The following PRDM14 variants were observed in gnomAD, a reference collection of about 807,000 sequenced individuals.
The protein encoded by PRDM14 is PR domain zinc finger protein 14.
Under a neutral mutation model 48.0 loss-of-function variants are expected in PRDM14, and 16 were observed. That is an observed-to-expected ratio of 0.33 (90% CI 0.23 to 0.51). The LOEUF is 0.51. PRDM14 is among the 20% of genes least tolerant of loss of function. The probability of loss-of-function intolerance (pLI) is 0.97; values close to 1 mark genes in which losing one functional copy is unlikely to be tolerated. For synonymous variants in PRDM14, 264 were observed against 276.6 expected (o/e 0.95, Z 0.45); for missense variants, 566 against 719.6 (o/e 0.79, Z 2.44).
chr8:70,052,373 A>G, intron 7 of PRDM14, 69 bp from the exon 8 acceptor site: 1 of 1,291,418 alleles, frequency 7.7e-7, no homozygotes, highest in South Asian at 1.3e-5. Flanking sequence ...CAATTAAACT[A>G]AGGGGTAAAT....
chr8:70,068,403 G>C lies in PRDM14; in HGVS notation c.755-16C>G. ...AGGCATAGACCTAGGGGAAAGCCGA[G>C]GCAGGAAAAGAGAATGAGGAGAGTT... On this transcript the variant is annotated splice_polypyrimidine_tract_variant and intron_variant, in intron 3 of 7. Coordinates refer to ENST00000276594, the MANE Select transcript of PRDM14 (RefSeq NM_024504.4). 6.2e-7 allele frequency: 1 copy of C among 1,614,142 alleles called. No individual in the cohort carries two copies.
chr8:70,060,563 C>A lies in PRDM14; in HGVS notation c.1184-1721G>T, dbSNP rs78916307. Among the ~76,000 whole-genome samples, 848 of 152,308 alleles carry A rather than the reference C, an allele frequency of 5.6e-3. 5 individuals are homozygous for A. Among genetic ancestry groups the A allele is most frequent in the African/African-American group, 0.02 (814 of 41,554 alleles). On this transcript the variant is annotated intron_variant, in intron 5 of 7. Transcript: ENST00000276594. ...TTCTGGTCAGTCCATTCAAATTAGGCTTCAAACAAAGTCTACATGTTGTAT... is the reference window on the plus strand; with the variant it reads ...TTCTGGTCAGTCCATTCAAATTAGGATTCAAACAAAGTCTACATGTTGTAT...
chr8:70,058,493 G>A (rs747505790), intron 6 of PRDM14, 147 bp downstream of exon 6: 39 of 668,528 alleles, frequency 5.8e-5, no homozygotes, highest in Non-Finnish European at 9.2e-5. Flanking sequence ...TGCCTGTTCC[G>A]TAATACTATC....
In PRDM14 at chr8:70,066,385, G is replaced by A. The variant is rs1263969141; in HGVS notation, c.1033C>T (p.Gln345Ter). ...CAGCTCTCATAAAATATATGCCCTTGACACTGCACAGCAACTAGGTTCTGC... is the reference window on the plus strand; with the variant it reads ...CAGCTCTCATAAAATATATGCCCTTAACACTGCACAGCAACTAGGTTCTGC... ...KEQNLVAVQCQGHIFYESCKE... is the reference protein window; with the variant it reads ...KEQNLVAVQC Residue 345 changes from glutamine to a stop codon, truncating the protein, a stop_gained, in exon 5 of 8, where the codon CAA becomes TAA. Transcript: ENST00000276594. LOFTEE classifies it high-confidence loss of function. 2 of 1,614,166 alleles carry A rather than the reference G, an allele frequency of 1.2e-6. No homozygotes were observed.
chr8:70,059,668 C>T (rs1805543488), intron 5 of PRDM14, among the ~76,000 whole-genome samples: 1 of 152,192 alleles, frequency 6.6e-6, no homozygotes, highest in African/African-American at 2.4e-5. Flanking sequence ...AAACACCAAG[C>T]TTTGACCAAC....
chr8:70,057,547 G>A (rs1291572894), intron 6 of PRDM14, among the ~76,000 whole-genome samples: 3 of 152,078 alleles, frequency 2.0e-5, no homozygotes, highest in African/African-American at 7.2e-5. Flanking sequence ...GGCCAGGCTG[G>A]TCTCGAACTC....
At position 70,069,594 on chromosome 8, in the gene PRDM14, G is replaced by C; in HGVS notation, c.267C>G (p.Leu89=). Residue 89 remains leucine (L), a synonymous_variant, in exon 2 of 8, where the codon CTC becomes CTG. Coordinates refer to ENST00000276594, the MANE Select transcript of PRDM14 (RefSeq NM_024504.4). The stretch of plus-strand genomic sequence containing the variant: ...GCTTGCTGTACCAGGGCAGATCGTA[G>C]AGAGGCTCCCTCTGTAGGCCCAGAC... The part of the protein sequence containing the change: ...SPGLGLQREP[L]YDLPWYSKLP... The C allele has an allele frequency of 6.3e-7, 1 of 1,595,138 alleles. No individual in the cohort carries two copies. Among genetic ancestry groups the C allele is most frequent in the Non-Finnish European group, 8.5e-7 (1 of 1,171,306 alleles).
intron 6 of PRDM14, among the ~76,000 whole-genome samples, chr8:70,057,024 G>T (rs1446628320): frequency 1.3e-5 from 2 of 150,308 alleles, no homozygotes. Context: ...GGAGTGCGGT[G>T]GCGCGATCTC....
At chr8:70,067,520 G>GAA (rs1158520319) in intron 4 of PRDM14, among the ~76,000 whole-genome samples, 3 of 81,342 alleles carry the variant, frequency 3.7e-5, no homozygotes, top group African/African-American at 8.9e-5. Flanking sequence ...TCCGTCTCAA[G>GAA]AAAAAAAAAA....
intron 5 of PRDM14, among the ~76,000 whole-genome samples, chr8:70,060,953 T>C (rs574472209): frequency 1.1e-4 from 16 of 152,324 alleles, no homozygotes; most frequent in African/African-American, 3.6e-4. Context: ...TAGAGTAAGG[T>C]TGAAAGCATC....
At chr8:70,061,650 T>C (rs1285227343) in intron 5 of PRDM14, among the ~76,000 whole-genome samples, 4 of 151,942 alleles carry the variant, frequency 2.6e-5, no homozygotes, top group Non-Finnish European at 5.9e-5. Flanking sequence ...GAAGAGAGGG[T>C]CAGCAATTTT....
intron 7 of PRDM14, among the ~76,000 whole-genome samples, chr8:70,052,604 C>G (rs1047639926): frequency 1.3e-5 from 2 of 152,206 alleles, no homozygotes; most frequent in African/African-American, 4.8e-5. Flanking sequence ...GTGGTTCACA[C>G]CTGTAATCCC....
chr8:70,066,725 G>T (rs1384805554), intron 4 of PRDM14, among the ~76,000 whole-genome samples: 1 of 151,916 alleles, frequency 6.6e-6, no homozygotes. Context: ...TCACATATTG[G>T]GTTTGTTTGT....
rs1805704830 is a variant in PRDM14, at chr8:70,068,296, G to A, written c.846C>T (p.Pro282=). 2 of 1,614,198 alleles carry A rather than the reference G, an allele frequency of 1.2e-6. No individual in the cohort carries two copies. The highest frequency in any genetic ancestry group is 1.7e-6 in the Non-Finnish European group (2 of 1,180,044). ...TGGCATTGACCACTTTACCTTGAAA[G>A]GGCCCAAACCTGACTCCTTTGGCGA... ...SFIAKGVRFG[P]FQGKVVNASE... is the part of the protein sequence containing the mutation. Residue 282 remains proline (P), a synonymous_variant, in exon 4 of 8, where the codon CCC becomes CCT. Coordinates refer to ENST00000276594, the MANE Select transcript of PRDM14 (RefSeq NM_024504.4).
In PRDM14 at chr8:70,066,326, C is replaced by T; in HGVS notation, c.1092G>A (p.Val364=). The change falls in exon 5 of 8, where the codon GTG becomes GTA. Residue 364 remains valine (V), a synonymous_variant. Coordinates refer to ENST00000276594, the MANE Select transcript of PRDM14 (RefSeq NM_024504.4). ...KEIHQNQELL[V]WYGDCYEKFL... Reference sequence around the variant, plus strand: ...ATTTCTCATAGCAGTCTCCATACCACACAAGGAGCTCTTGGTTCTGATGGA... The same window carrying T: ...ATTTCTCATAGCAGTCTCCATACCATACAAGGAGCTCTTGGTTCTGATGGA... 1 of 1,614,170 alleles carries T rather than the reference C, an allele frequency of 6.2e-7. No homozygotes were observed. The highest frequency in any genetic ancestry group is 8.5e-7 in the Non-Finnish European group (1 of 1,180,030).
At chr8:70,061,772 TC>T (rs1805585357) in intron 5 of PRDM14, among the ~76,000 whole-genome samples, 1 of 152,058 alleles carries the variant, frequency 6.6e-6, no homozygotes, top group Non-Finnish European at 1.5e-5. Context: ...TTGTTCCCTA[TC>T]CTTCCTAATT....
chr8:70,069,777 C>T lies in PRDM14; in HGVS notation c.84G>A (p.Ala28=). The T allele has an allele frequency of 1.2e-6, 2 of 1,609,738 alleles. No individual in the cohort carries two copies. Among genetic ancestry groups the T allele is most frequent in the South Asian group, 1.1e-5 (1 of 90,126 alleles). ...CATAGGACGGGAAAGGCGTGTAGTA[C>T]GCGGCCAGGTTCTGCGGGCTGCTCT... The part of the protein sequence containing the change: ...PPESSPQNLA[A]YYTPFPSYGH... The change falls in exon 2 of 8, where the codon GCG becomes GCA. Residue 28 remains alanine, a synonymous_variant. Coordinates refer to ENST00000276594, the MANE Select transcript of PRDM14 (RefSeq NM_024504.4).
intron 4 of PRDM14, among the ~76,000 whole-genome samples, chr8:70,066,826 A>C (rs549788101): frequency 6.6e-6 from 1 of 152,122 alleles, no homozygotes; most frequent in Non-Finnish European, 1.5e-5. Context: ...CCTGGGCTCA[A>C]ATGATCCTCC....
chr8:70,058,887 C>T (rs754870643), intron 5 of PRDM14, 45 bp from the exon 6 acceptor site: 27 of 1,425,790 alleles, frequency 1.9e-5, no homozygotes, highest in Admixed American at 7.1e-5. Flanking sequence ...TACTTCCCTC[C>T]CTAGTTCCTT....
Sources: allele counts gnomAD v4.1 joint callset (sites outside exome capture counted in the v4.1 genomes callset), GRCh38; gene constraint gnomAD v4.1.1; transcripts MANE v1.5; gene names NCBI Gene and HGNC (gene_info 2026-07-23, HGNC 2026-07-21).